Variants in GIGYF1 observed in about 807,000 individuals in gnomAD.
GIGYF1 encodes the protein GRB10 interacting GYF protein 1, also known as GRB10-interacting GYF protein 1.
Under a neutral mutation model 147.1 loss-of-function variants are expected in GIGYF1, and 84 were observed. The ratio of observed to expected loss-of-function variants is 0.57; its 90% CI spans 0.48 to 0.68. The LOEUF (loss-of-function observed/expected upper bound fraction) is 0.68. Ranked by LOEUF, GIGYF1 falls within the 30% of genes least tolerant of loss-of-function variation. The pLI is 0.00. For missense variants in GIGYF1, 1,485 were observed against 1,393.7 expected, an observed-to-expected ratio of 1.07 and a Z score of -1.04; for synonymous variants, 752 against 589.5, an observed-to-expected ratio of 1.28 and a Z score of -3.99.
chr7:100,681,177 C>G lies in GIGYF1; in HGVS notation c.*542G>C, dbSNP rs1584486235. ...GTGGGGCTCAGACAGGCCTCCTGTG[C>G]AAACTGCTGGCCCCCAGCTTCCAGT... On this transcript the variant is annotated 3_prime_UTR_variant, in exon 27 of 27. Coordinates refer to ENST00000678049, the MANE Select transcript of GIGYF1 (RefSeq NM_001375765.1). The G allele has an allele frequency of 6.5e-6, 1 of 152,848 alleles. No homozygotes were observed. Among genetic ancestry groups the G allele is most frequent in the Admixed American group, 6.5e-5 (1 of 15,308 alleles). The allele number at this position is 152,848 out of a possible 1,614,324, so 9.5% of individuals were successfully genotyped here.
chr7:100,682,661 G>A lies in GIGYF1; in HGVS notation c.2529C>T (p.Asp843=). ...CCAGGCTCCCGCCGCTCTTGGGGGT[G>A]TCCTCCCAGAGCCCCAGGCCGCTGC... ...GGSSGLGLWE[D]TPKSGGSLVR... The change falls in exon 23 of 27, where the codon GAC becomes GAT. Residue 843 remains aspartate, a synonymous_variant. Transcript: ENST00000678049. 6.2e-7 allele frequency: 1 copy of A among 1,604,448 alleles called. No individual in the cohort carries two copies.
At chr7:100,684,999 G>T (rs1439265137) in intron 14 of GIGYF1, 50 bp downstream of exon 14, 2 of 1,555,916 alleles carry the variant, frequency 1.3e-6, no homozygotes, top group African/African-American at 2.7e-5. Context: ...GGCCAAGCAG[G>T]TCAGGTCAGA....
chr7:100,691,632 G>A (rs1035365323), intron 1 of GIGYF1, among the ~76,000 whole-genome samples: 76 of 151,818 alleles, frequency 5.0e-4, no homozygotes, highest in African/African-American at 1.8e-3. Context: ...CCACCTGCCC[G>A]TCTCAGCTTA....
intron 9 of GIGYF1, 89 bp from the exon 10 acceptor site, chr7:100,686,908 C>G: frequency 5.0e-6 from 8 of 1,603,350 alleles, no homozygotes; most frequent in African/African-American, 1.3e-5. Context: ...GCTCCAGGCC[C>G]TCCTGCCCCC....
chr7:100,685,841 C>G, intron 12 of GIGYF1, 133 bp downstream of exon 12: 1 of 712,022 alleles, frequency 1.4e-6, no homozygotes, highest in Non-Finnish European at 2.3e-6. Context: ...TTCCTCCCCA[C>G]CTCTCAGCAC....
In GIGYF1 at chr7:100,681,864, C is replaced by T; in HGVS notation, c.3055G>A (p.Gly1019Arg). 1 of 1,612,582 alleles carries T rather than the reference C, an allele frequency of 6.2e-7. No individual in the cohort carries two copies. The highest frequency in any genetic ancestry group is 2.2e-5 in the East Asian group (1 of 44,892). The change falls in exon 26 of 27, where the codon GGG becomes AGG. Residue 1019 changes from glycine to arginine, a missense_variant and splice_region_variant. Physicochemically the swap from Gly to Arg is moderately radical, Grantham distance 125. Transcript: ENST00000678049. The part of the protein sequence containing the change: ...LMLHSDPSIL[G>R]YSLHGSSGEI... The stretch of plus-strand genomic sequence containing the variant: ...CCGCTCCTGCCCCAGCCCAGCTCAC[C>T]CAGGATGCTGGGGTCTGAGTGCAGC...
intron 1 of GIGYF1, among the ~76,000 whole-genome samples, chr7:100,690,697 G>A (rs1397263259): frequency 3.4e-5 from 5 of 148,558 alleles, no homozygotes; most frequent in East Asian, 4.0e-4. Flanking sequence ...CAGGAGAATC[G>A]CTTGAACCCA....
chr7:100,687,672 C>T (rs1217919368), intron 6 of GIGYF1, 56 bp from the exon 7 acceptor site: 2 of 1,462,540 alleles, frequency 1.4e-6, no homozygotes, highest in Admixed American at 3.8e-5. Flanking sequence ...CACCTCCACC[C>T]CCACCCCACA....
intron 14 of GIGYF1, 60 bp from the exon 15 acceptor site, chr7:100,684,954 G>A: frequency 2.5e-6 from 4 of 1,587,102 alleles, no homozygotes; most frequent in Non-Finnish European, 2.6e-6. Context: ...TCAGGATGGG[G>A]ATGGGGATGG....
intron 1 of GIGYF1, among the ~76,000 whole-genome samples, chr7:100,690,380 T>C (rs1171426905): frequency 6.6e-6 from 1 of 152,218 alleles, no homozygotes; most frequent in Non-Finnish European, 1.5e-5. Flanking sequence ...CAATGGCTTA[T>C]GCCTATAATC....
intron 15 of GIGYF1, 28 bp downstream of exon 15, chr7:100,684,695 G>A (rs1185086981): frequency 1.9e-6 from 3 of 1,611,094 alleles, no homozygotes; most frequent in Non-Finnish European, 2.5e-6. Context: ...GAACGGCCTT[G>A]AGCAGCCCTC....
At chr7:100,693,395 G>A (rs1224999416) in intron 1 of GIGYF1, among the ~76,000 whole-genome samples, 2 of 152,170 alleles carry the variant, frequency 1.3e-5, no homozygotes, top group Non-Finnish European at 2.9e-5. Context: ...GGACGGGGAG[G>A]ACAAGCAGTC....
intron 1 of GIGYF1, among the ~76,000 whole-genome samples, chr7:100,692,155 T>A (rs1384460178): frequency 3.9e-5 from 6 of 152,210 alleles, no homozygotes; most frequent in African/African-American, 1.4e-4. Context: ...AGGATGGAGA[T>A]TCTCCAAGCG....
chr7:100,688,656 G>C lies in GIGYF1; in HGVS notation c.-199C>G, dbSNP rs868710632. 1.7e-5 allele frequency: 7 copies of C among 409,840 alleles called. No individual in the cohort carries two copies. The Middle Eastern group carries it at 2.5e-3, about 144-fold the overall frequency. 25.4% of individuals were successfully genotyped at this position (409,840 alleles called of 1,614,324 possible). On this transcript the variant is annotated 5_prime_UTR_variant, in exon 2 of 27. Transcript: ENST00000678049. ...TGCTGGAGTGAACGAGGGTACCCAA[G>C]CCACTGGGAATTGGTCTGACCTCAG...
At position 100,682,086 on chromosome 7, in the gene GIGYF1, G is replaced by A. The variant is rs770178957; in HGVS notation, c.2911C>T (p.Arg971Trp). Residue 971 changes from arginine to tryptophan, a missense_variant, in exon 25 of 27, where the codon CGG (arginine) becomes TGG (tryptophan). By Grantham distance (101) the Arg-to-Trp change is moderately radical. Transcript: ENST00000678049. Reference protein sequence around the residue: ...RRAKQKASQQRQQQQEAWLSS... With the variant: ...RRAKQKASQQWQQQQEAWLSS... ...GGCTGCCTCACCTGCTGCTGCTGCC[G>A]CTGCTGGCTGGCTTTCTGCTTGGCC... 1.1e-5 allele frequency: 17 copies of A among 1,613,192 alleles called. No homozygotes were observed. Among genetic ancestry groups the A allele is most frequent in the South Asian group, 3.3e-5 (3 of 91,072 alleles).
At position 100,684,276 on chromosome 7, in the gene GIGYF1, T is replaced by C; in HGVS notation, c.1691A>G (p.Gln564Arg). ...QQELAAAALY[Q>R]QLQHQQFLQL... ...GAGAAACTGCTGGTGCTGCAGCTGC[T>C]GGTACAAGGCCGCCGCGGCCAGCTC... The change falls in exon 17 of 27, where the codon CAG becomes CGG. Residue 564 changes from glutamine to arginine, a missense_variant. Gln to Arg is a conservative substitution (Grantham distance 43, BLOSUM62 1). Coordinates refer to ENST00000678049, the MANE Select transcript of GIGYF1 (RefSeq NM_001375765.1). 6.2e-7 allele frequency: 1 copy of C among 1,608,414 alleles called. No homozygotes were observed. The highest frequency in any genetic ancestry group is 2.2e-5 in the East Asian group (1 of 44,690).
rs867903166 is a variant in GIGYF1, at chr7:100,680,129, T to C, written c.*1590A>G. 7.2e-6 allele frequency: 1 copy of C among 139,460 alleles called. No homozygotes were observed. The highest frequency in any genetic ancestry group is 7.5e-5 in the Admixed American group (1 of 13,350). The allele number at this position is 139,460 out of a possible 1,614,324, so 8.6% of individuals were successfully genotyped here. On this transcript the variant is annotated 3_prime_UTR_variant, in exon 27 of 27. Coordinates refer to ENST00000678049, the MANE Select transcript of GIGYF1 (RefSeq NM_001375765.1). ...GGGGCCCCCCACCCCGAGGCCAGCT[T>C]GATCCCCCAACACTGACCTAGTTGC...
chr7:100,692,429 CTA>C (rs1464701594), intron 1 of GIGYF1, among the ~76,000 whole-genome samples: 3 of 152,242 alleles, frequency 2.0e-5, no homozygotes, highest in Non-Finnish European at 4.4e-5. Flanking sequence ...ATCCTTGACA[CTA>C]TGCAAGACTG....
intron 26 of GIGYF1, 27 bp downstream of exon 26, chr7:100,681,837 T>G (rs542536968): frequency 6.2e-7 from 1 of 1,610,148 alleles, no homozygotes; most frequent in South Asian, 1.1e-5. Flanking sequence ...GCCAAGGAAG[T>G]CCCGCTCCTG....
Sources: allele counts gnomAD v4.1 joint callset (sites outside exome capture counted in the v4.1 genomes callset), GRCh38; gene constraint gnomAD v4.1.1; transcripts MANE v1.5; gene names NCBI Gene and HGNC (gene_info 2026-07-23, HGNC 2026-07-21).